The following PPP5C variants were observed in gnomAD, a reference collection of about 807,000 sequenced individuals.
PPP5C encodes protein phosphatase 5 catalytic subunit, also known as serine/threonine-protein phosphatase 5.
In PPP5C, 21 loss-of-function variants were observed where a neutral mutation model predicts 66.7. The observed-to-expected ratio is 0.31, with a 90% CI of 0.22 to 0.45. The LOEUF is 0.45. Among genes scored for constraint, PPP5C ranks in the 20% least tolerant of loss-of-function variants. The probability of loss-of-function intolerance (pLI) is 1.00; values close to 1 mark genes in which losing one functional copy is unlikely to be tolerated. For missense variants in PPP5C, 464 were observed against 675.9 expected, an observed-to-expected ratio of 0.69 and a Z score of 3.48; for synonymous variants, 246 against 257.4, an observed-to-expected ratio of 0.96 and a Z score of 0.43.
intron 2 of PPP5C, among the ~76,000 whole-genome samples, chr19:46,371,797 C>T (rs960687588): frequency 6.6e-6 from 1 of 152,190 alleles, no homozygotes; most frequent in African/African-American, 2.4e-5. Context: ...CCTGACTTCC[C>T]CCAGCTGCCT....
At chr19:46,387,961 G>A (rs573568489) in intron 9 of PPP5C, 10 of 283,628 alleles carry the variant, frequency 3.5e-5, no homozygotes, top group African/African-American at 1.7e-4. Context: ...CCAGGCTTGA[G>A]GAGGGGTCCT....
At chr19:46,357,095 G>A (rs1972299945) in intron 2 of PPP5C, among the ~76,000 whole-genome samples, 1 of 152,302 alleles carries the variant, frequency 6.6e-6, no homozygotes, top group African/African-American at 2.4e-5. Flanking sequence ...CACCCAGGCT[G>A]GAGTGCAGTG....
intron 4 of PPP5C, among the ~76,000 whole-genome samples, chr19:46,380,386 T>C (rs1972769680): frequency 6.6e-6 from 1 of 152,214 alleles, no homozygotes; most frequent in Non-Finnish European, 1.5e-5. Context: ...GCCTTTGTGC[T>C]CTTGTCATGC....
chr19:46,359,840 C>T lies in PPP5C; in HGVS notation c.363+5851C>T, dbSNP rs112688829. ...TGTTGCCCAGGCAGGAGTGCAATGG[C>T]GCAAACTCGGCTCACTGCAACTTCT... On this transcript the variant is annotated intron_variant, in intron 2 of 12. Coordinates refer to ENST00000012443, the MANE Select transcript of PPP5C (RefSeq NM_006247.4). Among the ~76,000 whole-genome samples, 998 of 135,898 alleles carry T rather than the reference C, an allele frequency of 7.3e-3. 3 individuals are homozygous for T. The highest frequency in any genetic ancestry group is 0.012 in the Admixed American group (148 of 12,016). The allele number at this position is 135,898 out of a possible 152,430, so 89.2% of individuals were successfully genotyped here.
chr19:46,370,131 T>A (rs1972562665), intron 2 of PPP5C, among the ~76,000 whole-genome samples: 1 of 152,088 alleles, frequency 6.6e-6, no homozygotes, highest in Admixed American at 6.5e-5. Flanking sequence ...AAGTTTTTGG[T>A]TCTTCAATAA....
chr19:46,370,812 C>T (rs1486908550), intron 2 of PPP5C, among the ~76,000 whole-genome samples: 2 of 151,972 alleles, frequency 1.3e-5, no homozygotes, highest in East Asian at 3.9e-4. Context: ...GGGATCTCGG[C>T]TCACTGCAAG....
At chr19:46,352,234 G>A (rs933646341) in intron 1 of PPP5C, among the ~76,000 whole-genome samples, 1 of 152,214 alleles carries the variant, frequency 6.6e-6, no homozygotes, top group East Asian at 1.9e-4. Context: ...AGCCCTGGGA[G>A]GGCAGGGCTG....
At chr19:46,363,256 C>T (rs1489402723) in intron 2 of PPP5C, among the ~76,000 whole-genome samples, 2 of 99,166 alleles carry the variant, frequency 2.0e-5, no homozygotes, top group Admixed American at 1.3e-4. Flanking sequence ...TGCAGTGAGC[C>T]GAGATCCCGC....
At chr19:46,363,240 G>A (rs1972424752) in intron 2 of PPP5C, among the ~76,000 whole-genome samples, 2 of 121,250 alleles carry the variant, frequency 1.6e-5, no homozygotes, top group South Asian at 3.1e-4. Context: ...CCCGGGAGGC[G>A]GAGCTTGCAG....
At chr19:46,387,048 T>C (rs1191270885) in intron 7 of PPP5C, 45 bp from the exon 8 acceptor site, 1 of 1,613,798 alleles carries the variant, frequency 6.2e-7, no homozygotes, top group South Asian at 1.1e-5. Flanking sequence ...AGGACACTGA[T>C]GTACCTGGAG....
intron 4 of PPP5C, chr19:46,382,863 A>C (rs2147398400): frequency 9.3e-7 from 1 of 1,071,366 alleles, no homozygotes; most frequent in Non-Finnish European, 1.1e-6. Context: ...TCAAGGTCAT[A>C]TCCAATCTGT....
At position 46,388,300 on chromosome 19, in the gene PPP5C, C is replaced by T. The variant is rs562551965; in HGVS notation, c.1136-108C>T. On this transcript the variant is annotated intron_variant, in intron 9 of 12. Transcript: ENST00000012443. This position sits in a 1 kb window ranked among gnomAD's most constrained non-coding sequence, Gnocchi z 4.9. ...TGGATGTCCCCTGCCCAACACCCAC[C>T]CAGGCTGGGCTGTGGGGTCAGCACC... is the stretch of plus-strand genomic sequence containing the variant. 52 of 1,248,144 alleles carry T rather than the reference C, an allele frequency of 4.2e-5. No homozygotes were observed. The East Asian group carries it at 1.3e-3, about 31-fold the overall frequency. 77.3% of individuals were successfully genotyped at this position (1,248,144 alleles called of 1,614,324 possible).
chr19:46,348,181 G>C (rs992241059), intron 1 of PPP5C, among the ~76,000 whole-genome samples: 6 of 152,050 alleles, frequency 3.9e-5, no homozygotes, highest in Non-Finnish European at 8.8e-5. Flanking sequence ...CCTGGGATGG[G>C]GAATGAAAGG....
At chr19:46,367,053 G>A (rs142336710) in intron 2 of PPP5C, among the ~76,000 whole-genome samples, 80 of 152,288 alleles carry the variant, frequency 5.3e-4, no homozygotes, top group South Asian at 5.2e-3. Flanking sequence ...GATAGGGTGT[G>A]GTTACATAGG....
At position 46,383,251 on chromosome 19, in the gene PPP5C, C is replaced by G. The variant is rs1471345693; in HGVS notation, c.634-160C>G. ...AAGCCTGCGGCTGCCTCCGGCCCCG[C>G]CTGCTCCCGCTCCCCCAGGCCTGCC... On this transcript the variant is annotated intron_variant, in intron 4 of 12. Coordinates refer to ENST00000012443, the MANE Select transcript of PPP5C (RefSeq NM_006247.4). The surrounding 1 kb of genome is among the most constrained non-coding windows in gnomAD (Gnocchi z 5.0). 9 of 1,543,858 alleles carry G rather than the reference C, an allele frequency of 5.8e-6. No homozygotes were observed. Among genetic ancestry groups the G allele is most frequent in the Non-Finnish European group, 7.9e-6 (9 of 1,145,884 alleles).
At chr19:46,370,036 A>C (rs1972560838) in intron 2 of PPP5C, among the ~76,000 whole-genome samples, 1 of 151,980 alleles carries the variant, frequency 6.6e-6, no homozygotes, top group African/African-American at 2.4e-5. Context: ...GTGAGTGGTG[A>C]GTGAATGTAA....
In PPP5C at chr19:46,390,836, G is replaced by C. The variant is rs1973010263; in HGVS notation, c.*490G>C. ...CTGTAATTAAATATGTTAAAATAAA[G>C]TCATTATCGGAAGTCAGCTTGTCTC... On this transcript the variant is annotated 3_prime_UTR_variant, in exon 13 of 13. Transcript: ENST00000012443. 3.5e-6 allele frequency: 4 copies of C among 1,131,892 alleles called. No homozygotes were observed. In the African/African-American group the frequency reaches 4.8e-5, roughly 14 times the overall value. The allele number at this position is 1,131,892 out of a possible 1,614,324, so 70.1% of individuals were successfully genotyped here.
At chr19:46,380,837 C>T (rs7255451) in intron 4 of PPP5C, among the ~76,000 whole-genome samples, 148,240 of 152,186 alleles carry the variant, frequency 0.97, 72,228 homozygotes, top group East Asian at 1. Flanking sequence ...TAAGATGTTG[C>T]CTTTGGGTTT....
Position 46,388,222 on chromosome 19 carries a change from G to T in PPP5C, c.1136-186G>T. The T allele has an allele frequency of 1.6e-6, 1 of 618,368 alleles. No homozygotes were observed. Among genetic ancestry groups the T allele is most frequent in the Non-Finnish European group, 2.8e-6 (1 of 359,680 alleles). 38.3% of individuals were successfully genotyped at this position (618,368 alleles called of 1,614,324 possible). On this transcript the variant is annotated intron_variant, in intron 9 of 12. Coordinates refer to ENST00000012443, the MANE Select transcript of PPP5C (RefSeq NM_006247.4). The surrounding 1 kb of genome is among the most constrained non-coding windows in gnomAD (Gnocchi z 4.9). ...GTCTGGAGGGCAGATCAGCAGAGAG[G>T]GTGGGGGTGGCTCAGAATCACAGTC...
Sources: allele counts gnomAD v4.1 joint callset (sites outside exome capture counted in the v4.1 genomes callset), GRCh38; gene constraint gnomAD v4.1.1; non-coding constraint Gnocchi (gnomAD v3.1); transcripts MANE v1.5; gene names NCBI Gene and HGNC (gene_info 2026-07-23, HGNC 2026-07-21).